Variants in SLC34A3 observed in about 807,000 individuals in gnomAD.
SLC34A3 encodes sodium-dependent phosphate transport protein 2C.
Under a neutral mutation model 43.9 loss-of-function variants are expected in SLC34A3, and 60 were observed. The observed-to-expected ratio is 1.37, with a 90% confidence interval of 1.11 to 1.70. SLC34A3 has a LOEUF of 1.70. SLC34A3 is among the 40% of genes most tolerant of loss of function. The pLI, the probability that SLC34A3 is intolerant of heterozygous loss-of-function variation, is 0.00. For synonymous variants in SLC34A3, 451 were observed against 386.2 expected, an observed-to-expected ratio of 1.17 and a Z score of -1.97; for missense variants, 969 against 823.8, an observed-to-expected ratio of 1.18 and a Z score of -2.16.
intron 12 of SLC34A3, 97 bp from the exon 13 acceptor site, chr9:137,235,855 G>C: frequency 9.1e-7 from 1 of 1,099,032 alleles, no homozygotes; most frequent in African/African-American, 1.6e-5. Context: ...CTTCAGACTT[G>C]GCGCTCCTTC....
Position 137,233,732 on chromosome 9 carries a change from C to T in SLC34A3, c.846+10C>T, listed in dbSNP as rs1467129706. Reference sequence around the variant, plus strand: ...CACCACGGGGCAGCCGGTGAGGCACCCAACCCTAGGCCCTCACTGACCCCC... The same window carrying T: ...CACCACGGGGCAGCCGGTGAGGCACTCAACCCTAGGCCCTCACTGACCCCC... On this transcript the variant is annotated intron_variant, in intron 8 of 12. Coordinates refer to ENST00000673835, the MANE Select transcript of SLC34A3 (RefSeq NM_001177316.2). The T allele has an allele frequency of 1.9e-5, 31 of 1,611,796 alleles. No individual in the cohort carries two copies. The highest frequency in any genetic ancestry group is 2.6e-5 in the Non-Finnish European group (31 of 1,179,484).
Position 137,233,412 on chromosome 9 carries a change from C to A in SLC34A3, c.756+8C>A. The A allele has an allele frequency of 6.3e-7, 1 of 1,597,540 alleles. No individual in the cohort carries two copies. The highest frequency in any genetic ancestry group is 8.5e-7 in the Non-Finnish European group (1 of 1,174,508). On this transcript the variant is annotated splice_region_variant and intron_variant, in intron 7 of 12. Coordinates refer to ENST00000673835, the MANE Select transcript of SLC34A3 (RefSeq NM_001177316.2). ...ACACACCTCATCGTGCAGGTGAGGACGGCCACCGCCCCCGCCCAGAGAGCC... is the reference window on the plus strand; with the variant it reads ...ACACACCTCATCGTGCAGGTGAGGAAGGCCACCGCCCCCGCCCAGAGAGCC...
At chr9:137,232,949 G>A (rs1308367937) in intron 5 of SLC34A3, 22 bp downstream of exon 5, 37 of 1,605,760 alleles carry the variant, frequency 2.3e-5, no homozygotes, top group East Asian at 9.0e-5. Context: ...CTCCCTCCCC[G>A]GGTGGTGGGG....
chr9:137,236,446 C>T lies in SLC34A3; in HGVS notation c.*30C>T. The T allele has an allele frequency of 6.5e-7, 1 of 1,528,366 alleles. No individual in the cohort carries two copies. The highest frequency in any genetic ancestry group is 8.8e-7 in the Non-Finnish European group (1 of 1,139,814). The allele number at this position is 1,528,366 out of a possible 1,614,324, so 94.7% of individuals were successfully genotyped here. A position where few individuals can be genotyped will look rare whatever the true frequency, so the allele number is the denominator to read the frequency against. ...CAGTTGCTGAGCAGACCGCCCCACC[C>T]TCCCCGGCTGGGAGGGCTCTGGAGG... On this transcript the variant is annotated 3_prime_UTR_variant, in exon 13 of 13. Coordinates refer to ENST00000673835, the MANE Select transcript of SLC34A3 (RefSeq NM_001177316.2).
In SLC34A3 at chr9:137,235,981, G is replaced by T; in HGVS notation, c.1365G>T (p.Leu455=). ...QVALIHFFFN[L]AGILLWYLVP... ...CCCTCATCCACTTCTTCTTCAACCT[G>T]GCCGGCATCCTGCTGTGGTACCTGG... Residue 455 remains leucine, a synonymous_variant, in exon 13 of 13, where the codon CTG becomes CTT. Transcript: ENST00000673835. The T allele has an allele frequency of 6.2e-7, 1 of 1,612,452 alleles. No homozygotes were observed. Among genetic ancestry groups the T allele is most frequent in the Non-Finnish European group, 8.5e-7 (1 of 1,179,868 alleles).
In SLC34A3 at chr9:137,234,233, G is replaced by A. The variant is rs1303520042; in HGVS notation, c.1050G>A (p.Leu350=). 6.2e-7 allele frequency: 1 copy of A among 1,609,904 alleles called. No individual in the cohort carries two copies. Among genetic ancestry groups the A allele is most frequent in the East Asian group, 2.2e-5 (1 of 44,786 alleles). The part of the protein sequence containing the change: ...VLIVKLLNSV[L]RGRVAQVVRT... The stretch of plus-strand genomic sequence containing the variant: ...TAGTCAAGCTGCTCAACTCTGTGCT[G>A]CGCGGCCGCGTGGCCCAGGTCGTGA... Residue 350 remains leucine, a synonymous_variant, in exon 10 of 13, where the codon CTG becomes CTA. Coordinates refer to ENST00000673835, the MANE Select transcript of SLC34A3 (RefSeq NM_001177316.2). The surrounding 1 kb of genome is among the most constrained non-coding windows in gnomAD (Gnocchi z 6.9).
In SLC34A3 at chr9:137,234,180, C is replaced by G; in HGVS notation, c.997C>G (p.Leu333Val). The change falls in exon 10 of 13, where the codon CTG (leucine) becomes GTG (valine). Residue 333 changes from leucine to valine, a missense_variant. Leu to Val is a conservative substitution (Grantham distance 32, BLOSUM62 1). Coordinates refer to ENST00000673835, the MANE Select transcript of SLC34A3 (RefSeq NM_001177316.2). The surrounding 1 kb of genome is among the most constrained non-coding windows in gnomAD (Gnocchi z 6.9). ...CTGCATCCTGCTGGCCGGCTCCCTG[C>G]TGGTGCTCTGCGGCTGCCTGGTCCT... is the stretch of plus-strand genomic sequence containing the variant. ...VGCILLAGSL[L>V]VLCGCLVLIV... The G allele has an allele frequency of 6.2e-7, 1 of 1,605,632 alleles. No individual in the cohort carries two copies. Among genetic ancestry groups the G allele is most frequent in the African/African-American group, 1.3e-5 (1 of 74,942 alleles).
intron 1 of SLC34A3, among the ~76,000 whole-genome samples, chr9:137,231,299 A>T (rs773398900): frequency 1.3e-5 from 2 of 152,172 alleles, no homozygotes; most frequent in Non-Finnish European, 2.9e-5. Flanking sequence ...GCCAAAGTCT[A>T]AGTCGGGACC....
chr9:137,233,063 A>G lies in SLC34A3; in HGVS notation c.508A>G (p.Thr170Ala), dbSNP rs755932132. 10 of 1,601,622 alleles carry G rather than the reference A, an allele frequency of 6.2e-6. No homozygotes were observed. Residue 170 changes from threonine to alanine, a missense_variant, in exon 6 of 13, where the codon ACC becomes GCC. Physicochemically the swap from Thr to Ala is moderately conservative, Grantham distance 58. Transcript: ENST00000673835. ...IMGVNVGTSITSTLVSMAQSG... is the reference protein window; with the variant it reads ...IMGVNVGTSIASTLVSMAQSG... ...GGGTGTCAACGTAGGCACATCCATC[A>G]CCAGCACCCTGGTCTCAATGGCGCA...
At chr9:137,232,483 C>A in intron 3 of SLC34A3, 92 bp from the exon 4 acceptor site, 1 of 1,548,112 alleles carries the variant, frequency 6.5e-7, no homozygotes. Flanking sequence ...CTGTTGGAGA[C>A]AGAGGAGAGA....
rs34710159 is a variant in SLC34A3 at position 137,232,602 on chromosome 9, G to A, written c.203G>A (p.Arg68His). The change falls in exon 4 of 13, where the codon CGC becomes CAC. Residue 68 changes from arginine (R) to histidine (H), a missense_variant. Transcript: ENST00000673835. Reference sequence around the variant, plus strand: ...CTCCGCGTGGCCGGCAGGCTGCGCCGCGTGGCCGGCAGCGTCCTCAAGGCC... The same window carrying A: ...CTCCGCGTGGCCGGCAGGCTGCGCCACGTGGCCGGCAGCGTCCTCAAGGCC... The part of the protein sequence containing the change: ...KELRVAGRLR[R>H]VAGSVLKACG... 32 of 1,610,970 alleles carry A rather than the reference G, an allele frequency of 2.0e-5. No homozygotes were observed. Among genetic ancestry groups the A allele is most frequent in the South Asian group, 2.0e-4 (18 of 90,988 alleles).
intron 3 of SLC34A3, 58 bp downstream of exon 3, chr9:137,232,219 G>A: frequency 1.4e-5 from 22 of 1,522,872 alleles, no homozygotes; most frequent in Non-Finnish European, 2.0e-5. Context: ...CAACGGGACT[G>A]GGGAGACAGA....
At chr9:137,232,978 G>A (rs780391506) in intron 5 of SLC34A3, 26 bp from the exon 6 acceptor site, 3 of 1,609,082 alleles carry the variant, frequency 1.9e-6, no homozygotes, top group African/African-American at 1.3e-5. Context: ...GTGGGCCGCA[G>A]GCTGACTCAG....
At chr9:137,230,448 G>T (rs1836148758), upstream of SLC34A3, among the ~76,000 whole-genome samples, 1 of 152,188 alleles carries the variant, frequency 6.6e-6, no homozygotes, top group South Asian at 2.1e-4. Flanking sequence ...TGGTGCAAAG[G>T]GCTTCCCTCC....
Position 137,236,082 on chromosome 9 carries a change from G to C in SLC34A3, c.1466G>C (p.Gly489Ala), listed in dbSNP as rs750181507. Residue 489 changes from glycine (G) to alanine (A), a missense_variant, in exon 13 of 13, where the codon GGG (glycine) becomes GCG (alanine). Physicochemically the swap from Gly to Ala is moderately conservative, Grantham distance 60. Coordinates refer to ENST00000673835, the MANE Select transcript of SLC34A3 (RefSeq NM_001177316.2). ...ACCGCCCGTTACCGCTGGGTGGCTG[G>C]GGTCTACCTGCTGCTCGGATTCCTG... ...VVTARYRWVA[G>A]VYLLLGFLLL... 1.3e-5 allele frequency: 21 copies of C among 1,612,396 alleles called. No homozygotes were observed. The highest frequency in any genetic ancestry group is 1.4e-5 in the Non-Finnish European group (17 of 1,179,850).
At position 137,232,180 on chromosome 9, in the gene SLC34A3, G is replaced by A; in HGVS notation, c.175+19G>A. ...TGGAAAGGTGGGTCTGGAGGTTCCG[G>A]GGGTGGCAGGCTGGCAGGCCTCTGT... On this transcript the variant is annotated intron_variant, in intron 3 of 12. Coordinates refer to ENST00000673835, the MANE Select transcript of SLC34A3 (RefSeq NM_001177316.2). 1.2e-6 allele frequency: 2 copies of A among 1,610,282 alleles called. No individual in the cohort carries two copies. Among genetic ancestry groups the A allele is most frequent in the Non-Finnish European group, 1.7e-6 (2 of 1,177,728 alleles).
intron 12 of SLC34A3, among the ~76,000 whole-genome samples, chr9:137,235,659 G>C (rs1256163708): frequency 6.6e-6 from 1 of 152,324 alleles, no homozygotes; most frequent in South Asian, 2.1e-4. Context: ...GGCACAGGCA[G>C]AGCCAGGTCG....
chr9:137,236,330 T>C lies in SLC34A3; in HGVS notation c.1714T>C (p.Cys572Arg), dbSNP rs1168192496. The stretch of plus-strand genomic sequence containing the variant: ...CCGCCTGGTGACCCGCTGCTGCCCC[T>C]GCAACGTCTGCAGCCCCCCGAAGGC... ...WDRLVTRCCP[C>R]NVCSPPKATT... Residue 572 changes from cysteine to arginine, a missense_variant, in exon 13 of 13, where the codon TGC becomes CGC. Physicochemically the swap from Cys to Arg is radical, Grantham distance 180. Coordinates refer to ENST00000673835, the MANE Select transcript of SLC34A3 (RefSeq NM_001177316.2). 5 of 1,541,776 alleles carry C rather than the reference T, an allele frequency of 3.2e-6. No individual in the cohort carries two copies. Among genetic ancestry groups the C allele is most frequent in the African/African-American group, 1.4e-5 (1 of 72,908 alleles).
rs1564420340 is a variant in SLC34A3, at chr9:137,234,272, TGCGGGTGAGG to T, written c.1093_1093+9del. On this transcript the variant is annotated splice_donor_variant and splice_donor_5th_base_variant and coding_sequence_variant and intron_variant, in exon 10 of 13. Coordinates refer to ENST00000673835, the MANE Select transcript of SLC34A3 (RefSeq NM_001177316.2). LOFTEE classifies it high-confidence loss of function. This position sits in a 1 kb window ranked among gnomAD's most constrained non-coding sequence, Gnocchi z 6.9. ...CCCAGGTCGTGAGGACAGTCATCAA[TGCGGGTGAGG>T]GCGTGGGAGGAGGTGCGGTGGCCAG... 3 of 1,610,820 alleles carry T rather than the reference TGCGGGTGAGG, an allele frequency of 1.9e-6. No individual in the cohort carries two copies. The highest frequency in any genetic ancestry group is 2.2e-5 in the East Asian group (1 of 44,828).
Sources: allele counts gnomAD v4.1 joint callset (sites outside exome capture counted in the v4.1 genomes callset), GRCh38; gene constraint gnomAD v4.1.1; non-coding constraint Gnocchi (gnomAD v3.1); transcripts MANE v1.5; gene names NCBI Gene and HGNC (gene_info 2026-07-23, HGNC 2026-07-21).